The following PHTF1 variants were observed in gnomAD, a reference collection of about 807,000 sequenced individuals.
The protein encoded by PHTF1 is putative homeodomain transcription factor 1.
Under a neutral mutation model 102.4 loss-of-function variants are expected in PHTF1, and 88 were observed. The ratio of observed to expected loss-of-function variants is 0.86; its 90% CI spans 0.72 to 1.03. The LOEUF (loss-of-function observed/expected upper bound fraction) is 1.03, where lower values mean the gene tolerates loss of function less well. Ranked by LOEUF, PHTF1 falls within the 50% of genes least tolerant of loss-of-function variation. PHTF1 has a pLI of 0.00. For missense variants in PHTF1, 814 were observed against 909.5 expected (o/e 0.89, Z 1.35); for synonymous variants, 289 against 305.2 (o/e 0.95, Z 0.55).
intron 5 of PHTF1, among the ~76,000 whole-genome samples, chr1:113,733,407 C>G (rs1655005333): frequency 6.6e-6 from 1 of 152,032 alleles, no homozygotes; most frequent in South Asian, 2.1e-4. Flanking sequence ...AAACTTTGTT[C>G]CTGCTGGCAT....
chr1:113,715,648 C>CAAAAAAAAAAAA lies in PHTF1; in HGVS notation c.624-2222_624-2211dup, dbSNP rs60517410. ...GAGCAATGACAGTGAAACCCTGTCT[C>CAAAAAAAAAAAA]AAAAAAAAAAAAAAAAAAAAAAAAA... On this transcript the variant is annotated intron_variant, in intron 7 of 18. Coordinates refer to ENST00000369604, the MANE Select transcript of PHTF1 (RefSeq NM_001323043.2). Among the ~76,000 whole-genome samples, 39 of 24,978 alleles carry CAAAAAAAAAAAA rather than the reference C, an allele frequency of 1.6e-3. 3 individuals are homozygous for CAAAAAAAAAAAA. The highest frequency in any genetic ancestry group is 3.9e-3 in the Admixed American group (5 of 1,288). The allele number at this position is 24,978 out of a possible 152,430, so 16.4% of individuals were successfully genotyped here. A position where few individuals can be genotyped will look rare whatever the true frequency, so the allele number is the denominator to read the frequency against.
At chr1:113,712,176 T>C (rs1651227912) in intron 8 of PHTF1, 63 bp from the exon 9 acceptor site, 1 of 1,333,614 alleles carries the variant, frequency 7.5e-7, no homozygotes, top group Admixed American at 2.2e-5. Flanking sequence ...AAGCTGCATG[T>C]GTAAAAACAA....
At chr1:113,744,123 G>C (rs537405970) in intron 3 of PHTF1, among the ~76,000 whole-genome samples, 1 of 152,306 alleles carries the variant, frequency 6.6e-6, no homozygotes, top group East Asian at 1.9e-4. Context: ...TTGTAGGACA[G>C]AATCAGCATA....
chr1:113,701,743 A>C (rs913246656), intron 15 of PHTF1, among the ~76,000 whole-genome samples: 1 of 151,086 alleles, frequency 6.6e-6, no homozygotes, highest in Admixed American at 6.6e-5. Flanking sequence ...AGACTTCTCA[A>C]GATAAAATGT....
intron 3 of PHTF1, among the ~76,000 whole-genome samples, 200 bp from the exon 4 acceptor site, chr1:113,738,999 C>T (rs1245234143): frequency 6.6e-6 from 1 of 152,002 alleles, no homozygotes; most frequent in Non-Finnish European, 1.5e-5. Context: ...TTGCAGGTGC[C>T]CACCATTAAG....
chr1:113,724,607 C>A, intron 7 of PHTF1, 152 bp downstream of exon 7: 1 of 444,406 alleles, frequency 2.3e-6, no homozygotes, highest in Non-Finnish European at 3.9e-6. Flanking sequence ...ACAAAACAGA[C>A]AGTGAAGACA....
At position 113,737,944 on chromosome 1, in the gene PHTF1, A is replaced by G. The variant is rs553733409; in HGVS notation, c.331+166T>C. ...GTTACACAAGTATGTTTGCTCTCTC[A>G]TAGCAGATAATTTTAATATGAACCC... On this transcript the variant is annotated intron_variant, in intron 5 of 18. Coordinates refer to ENST00000369604, the MANE Select transcript of PHTF1 (RefSeq NM_001323043.2). Among the ~76,000 whole-genome samples the G allele has an allele frequency of 3.3e-5, 5 of 152,362 alleles. No individual in the cohort carries two copies. In the East Asian group the frequency reaches 9.6e-4, roughly 29 times the overall value.
At chr1:113,710,586 T>C (rs755209787) in intron 10 of PHTF1, 111 bp from the exon 11 acceptor site, 78 of 720,652 alleles carry the variant, frequency 1.1e-4, no homozygotes, top group Non-Finnish European at 1.5e-4. Flanking sequence ...CCTTCAGAAG[T>C]CAATCACCAT....
chr1:113,719,281 G>A (rs2101318475), intron 7 of PHTF1, among the ~76,000 whole-genome samples: 1 of 152,264 alleles, frequency 6.6e-6, no homozygotes, highest in South Asian at 2.1e-4. Context: ...GGGATTACAG[G>A]CGTGAGCCAC....
intron 15 of PHTF1, among the ~76,000 whole-genome samples, chr1:113,703,597 A>G (rs1427567228): frequency 6.6e-6 from 1 of 151,996 alleles, no homozygotes; most frequent in Non-Finnish European, 1.5e-5. Flanking sequence ...CTGGCCTCAC[A>G]CAATCCTCCC....
Position 113,711,855 on chromosome 1 carries a change from C to A in PHTF1, c.958-20G>T. The A allele has an allele frequency of 6.2e-7, 1 of 1,609,090 alleles. No individual in the cohort carries two copies. On this transcript the variant is annotated intron_variant, in intron 9 of 18. Coordinates refer to ENST00000369604, the MANE Select transcript of PHTF1 (RefSeq NM_001323043.2). ...CTTTACCTGCCAAAAATCAAACCAA[C>A]AAGCAATAGGAAAATATGTTAAATG...
intron 11 of PHTF1, among the ~76,000 whole-genome samples, chr1:113,709,265 A>G (rs1441188639): frequency 2.6e-5 from 4 of 152,160 alleles, no homozygotes; most frequent in Non-Finnish European, 5.9e-5. Context: ...GAAAATTTAC[A>G]CTGTTTCTTG....
Position 113,758,696 on chromosome 1 carries a change from G to A in PHTF1, c.8C>T (p.Ser3Leu), listed in dbSNP as rs1387503183. The change falls in exon 2 of 19, where the codon TCA becomes TTA. Residue 3 changes from serine to leucine, a missense_variant. By Grantham distance (145) the Ser-to-Leu change is moderately radical. Transcript: ENST00000369604. The part of the protein sequence containing the change: MA[S>L]NERDAISWYQ... ...CCACGATATAGCATCTCTCTCATTT[G>A]AGGCCATCTGTGTCTCCAGCCAGAG... The A allele has an allele frequency of 6.2e-7, 1 of 1,610,332 alleles. No homozygotes were observed. The highest frequency in any genetic ancestry group is 8.5e-7 in the Non-Finnish European group (1 of 1,177,826).
At chr1:113,754,135 G>A (rs2101721537) in intron 3 of PHTF1, among the ~76,000 whole-genome samples, 1 of 152,262 alleles carries the variant, frequency 6.6e-6, no homozygotes, top group Admixed American at 6.5e-5. Context: ...ATATGGCTGG[G>A]CAGAGCGTCT....
chr1:113,744,818 A>G (rs140082165), intron 3 of PHTF1, among the ~76,000 whole-genome samples: 73 of 152,180 alleles, frequency 4.8e-4, no homozygotes, highest in African/African-American at 1.7e-3. Context: ...AGTAGCTGCT[A>G]TGAGCCTGTA....
chr1:113,758,907 G>T, intron 1 of PHTF1, 116 bp downstream of exon 1: 1 of 1,218,910 alleles, frequency 8.2e-7, no homozygotes. Context: ...GCGGCGACCG[G>T]AGAAGCCTCT....
At chr1:113,748,071 A>C (rs1480984930) in intron 3 of PHTF1, among the ~76,000 whole-genome samples, 2 of 152,122 alleles carry the variant, frequency 1.3e-5, no homozygotes, top group African/African-American at 2.4e-5. Context: ...TTGAACTCCC[A>C]GGCTCAAAGG....
In PHTF1 at chr1:113,711,464, C is replaced by T. The variant is rs139663708; in HGVS notation, c.1047+282G>A. Reference sequence around the variant, plus strand: ...ATTTATGATGTTTAAAAATAAACTTCATATGCCAAGTGAATATTTAATAAT... The same window carrying T: ...ATTTATGATGTTTAAAAATAAACTTTATATGCCAAGTGAATATTTAATAAT... On this transcript the variant is annotated intron_variant, in intron 10 of 18. Coordinates refer to ENST00000369604, the MANE Select transcript of PHTF1 (RefSeq NM_001323043.2). 4.5e-3 allele frequency among the ~76,000 whole-genome samples: 680 copies of T among 152,280 alleles called. 1 individual carries two copies. The highest frequency in any genetic ancestry group is 7.8e-3 in the Non-Finnish European group (528 of 68,022).
chr1:113,759,010 G>T lies in PHTF1; in HGVS notation c.-31+13C>A. ...GCACCCGCCTCCTTCGCTCGCCCGC[G>T]TCCGGCTCTCACCTAGTGCCCGTTG... On this transcript the variant is annotated intron_variant, in intron 1 of 18. Transcript: ENST00000369604. 1 of 1,059,578 alleles carries T rather than the reference G, an allele frequency of 9.4e-7. No homozygotes were observed. Among genetic ancestry groups the T allele is most frequent in the Non-Finnish European group, 1.1e-6 (1 of 879,122 alleles). 65.6% of individuals were successfully genotyped at this position (1,059,578 alleles called of 1,614,324 possible). A position where few individuals can be genotyped will look rare whatever the true frequency, so the allele number is the denominator to read the frequency against.
Sources: gnomAD v4.1 joint callset for allele counts (sites outside exome capture counted in the v4.1 genomes callset) on GRCh38, gnomAD v4.1.1 for gene constraint, MANE v1.5 for transcripts, NCBI Gene and HGNC (gene_info 2026-07-23, HGNC 2026-07-21) for gene names.